ZNF704: variants seen among roughly 807,000 people sequenced by gnomAD.
ZNF704 encodes zinc finger protein 704.
Under a neutral mutation model 44.7 loss-of-function variants are expected in ZNF704, and 10 were observed. The observed-to-expected ratio is 0.22, with a 90% CI of 0.14 to 0.38. ZNF704 has a LOEUF of 0.38. Among genes scored for constraint, ZNF704 ranks in the 10% least tolerant of loss-of-function variants. The pLI is 1.00. For missense variants in ZNF704, 390 were observed against 545.5 expected, an observed-to-expected ratio of 0.71 and a Z score of 2.84; for synonymous variants, 211 against 207.6, an observed-to-expected ratio of 1.02 and a Z score of -0.14.
chr8:80,830,207 G>A (rs1425206531), intron 1 of ZNF704, among the ~76,000 whole-genome samples: 3 of 152,114 alleles, frequency 2.0e-5, no homozygotes, highest in South Asian at 2.1e-4. Context: ...GATGATGGAC[G>A]AGAGAGAATT....
intron 7 of ZNF704, chr8:80,645,217 C>T (rs1817809849): frequency 1.3e-6 from 2 of 1,545,370 alleles, no homozygotes; most frequent in Non-Finnish European, 8.8e-7. Context: ...GCCAACCTCC[C>T]GGAAAAAGAA....
At chr8:80,866,533 G>A (rs1045650167) in intron 1 of ZNF704, among the ~76,000 whole-genome samples, 1 of 152,168 alleles carries the variant, frequency 6.6e-6, no homozygotes, top group African/African-American at 2.4e-5. Flanking sequence ...AAGTCTAAGG[G>A]AAATCATGTA....
intron 1 of ZNF704, among the ~76,000 whole-genome samples, chr8:80,863,132 T>G (rs1014647718): frequency 2.0e-5 from 3 of 152,258 alleles, no homozygotes. Context: ...TTTATTTTTA[T>G]AAATTCTAAG....
At chr8:80,682,244 T>A (rs1305509810) in intron 4 of ZNF704, among the ~76,000 whole-genome samples, 1 of 152,232 alleles carries the variant, frequency 6.6e-6, no homozygotes, top group Non-Finnish European at 1.5e-5. Context: ...GCTTTTTGGC[T>A]CTGGAAGATT....
At chr8:80,659,481 A>C (rs1034820849) in intron 7 of ZNF704, 104 bp downstream of exon 7, 44 of 886,154 alleles carry the variant, frequency 5.0e-5, no homozygotes, top group Middle Eastern at 2.2e-4. Flanking sequence ...TACTTCTGGC[A>C]TTCTGATGTT....
At chr8:80,721,356 C>T (rs918460690) in intron 2 of ZNF704, among the ~76,000 whole-genome samples, 3 of 152,122 alleles carry the variant, frequency 2.0e-5, no homozygotes, top group East Asian at 3.9e-4. Context: ...ATCTTAGATA[C>T]GTGAAATGCA....
At chr8:80,823,378 C>T (rs574760692) in intron 1 of ZNF704, among the ~76,000 whole-genome samples, 68 of 152,338 alleles carry the variant, frequency 4.5e-4, no homozygotes, top group African/African-American at 1.6e-3. Flanking sequence ...GGGGGAGGGG[C>T]ATCAGCCACT....
Position 80,630,694 on chromosome 8 carries a change from C to T in ZNF704, c.*10672G>A, listed in dbSNP as rs1817569828. 6.6e-6 allele frequency: 1 copy of T among 152,054 alleles called. No individual in the cohort carries two copies. The highest frequency in any genetic ancestry group is 6.5e-5 in the Admixed American group (1 of 15,274). 9.4% of individuals were successfully genotyped at this position (152,054 alleles called of 1,614,324 possible). A position where few individuals can be genotyped will look rare whatever the true frequency, so the allele number is the denominator to read the frequency against. ...TAGTCATGAACCCTTTGGGACCTAG[C>T]GATTTTTTCTTATCCTGAGTTCTTC... On this transcript the variant is annotated 3_prime_UTR_variant, in exon 9 of 9. Coordinates refer to ENST00000327835, the MANE Select transcript of ZNF704 (RefSeq NM_001033723.3).
At chr8:80,876,494 G>A (rs955274389), upstream of ZNF704, among the ~76,000 whole-genome samples, 3 of 152,184 alleles carry the variant, frequency 2.0e-5, no homozygotes, top group African/African-American at 4.8e-5. Flanking sequence ...GGGGCAAGGG[G>A]TGGGCAGACA....
chr8:80,822,136 T>C (rs1808283275), intron 1 of ZNF704, among the ~76,000 whole-genome samples: 1 of 152,236 alleles, frequency 6.6e-6, no homozygotes, highest in South Asian at 2.1e-4. Context: ...ATTTTTTAAT[T>C]ATACTTTAAG....
At chr8:80,663,145 C>A (rs532689356) in intron 6 of ZNF704, among the ~76,000 whole-genome samples, 3 of 152,086 alleles carry the variant, frequency 2.0e-5, no homozygotes, top group African/African-American at 7.2e-5. Context: ...GTTGGGAGGC[C>A]AACATGGGAG....
chr8:80,720,971 C>T (rs1039564511), intron 2 of ZNF704, among the ~76,000 whole-genome samples: 2 of 152,210 alleles, frequency 1.3e-5, no homozygotes, highest in African/African-American at 4.8e-5. Context: ...ATCAATGGGG[C>T]CCGCAGAGTA....
At chr8:80,836,655 C>T (rs950631261) in intron 1 of ZNF704, among the ~76,000 whole-genome samples, 4 of 151,950 alleles carry the variant, frequency 2.6e-5, no homozygotes, top group South Asian at 2.1e-4. Context: ...CATGGTGGTA[C>T]GTGCCTTTAG....
intron 2 of ZNF704, among the ~76,000 whole-genome samples, chr8:80,774,579 G>T (rs1807379196): frequency 6.6e-6 from 1 of 152,128 alleles, no homozygotes; most frequent in Non-Finnish European, 1.5e-5. Context: ...AGGGAAAGGG[G>T]TAATTACTGC....
intron 2 of ZNF704, among the ~76,000 whole-genome samples, chr8:80,762,381 C>T (rs1046739343): frequency 6.6e-6 from 1 of 152,120 alleles, no homozygotes; most frequent in African/African-American, 2.4e-5. Flanking sequence ...AGCAAACTTA[C>T]AATCATGGTG....
intron 2 of ZNF704, among the ~76,000 whole-genome samples, chr8:80,787,994 A>T (rs1807643798): frequency 6.6e-6 from 1 of 152,210 alleles, no homozygotes; most frequent in Admixed American, 6.5e-5. Flanking sequence ...TTCCCATATT[A>T]GCAGGATTTC....
In ZNF704 at chr8:80,633,475, T is replaced by A. The variant is rs1037268333; in HGVS notation, c.*7891A>T. On this transcript the variant is annotated 3_prime_UTR_variant, in exon 9 of 9. Coordinates refer to ENST00000327835, the MANE Select transcript of ZNF704 (RefSeq NM_001033723.3). ...GACTGAGTAACGGGTGGGCTCTTTA[T>A]GTCTATGCTGAAAGGCCTGGACTGA... 6.6e-6 allele frequency: 1 copy of A among 152,192 alleles called. No individual in the cohort carries two copies. Among genetic ancestry groups the A allele is most frequent in the Admixed American group, 6.5e-5 (1 of 15,276 alleles). The allele number at this position is 152,192 out of a possible 1,614,324, so 9.4% of individuals were successfully genotyped here. A position where few individuals can be genotyped will look rare whatever the true frequency, so the allele number is the denominator to read the frequency against.
At chr8:80,824,105 T>A (rs997168751) in intron 1 of ZNF704, among the ~76,000 whole-genome samples, 1 of 152,110 alleles carries the variant, frequency 6.6e-6, no homozygotes, top group Non-Finnish European at 1.5e-5. Flanking sequence ...AGGCTTCAGA[T>A]GATTGGTAGT....
chr8:80,755,478 A>C (rs1371583038), intron 2 of ZNF704, among the ~76,000 whole-genome samples: 8 of 151,990 alleles, frequency 5.3e-5, no homozygotes, highest in Admixed American at 5.2e-4. Context: ...CAAACAAAAA[A>C]CCCAAAAAAC....
Sources: gnomAD v4.1 joint callset for allele counts (sites outside exome capture counted in the v4.1 genomes callset) on GRCh38, gnomAD v4.1.1 for gene constraint, MANE v1.5 for transcripts, NCBI Gene and HGNC (gene_info 2026-07-23, HGNC 2026-07-21) for gene names.